Variants in NTNG1 observed in about 807,000 individuals in gnomAD.
NTNG1 encodes the protein netrin-G1.
Under a neutral mutation model 54.0 loss-of-function variants are expected in NTNG1, and 16 were observed. That is an observed-to-expected ratio of 0.30 (90% confidence interval 0.20 to 0.45). The LOEUF (loss-of-function observed/expected upper bound fraction) is 0.45. NTNG1 is among the 20% of genes least tolerant of loss of function. NTNG1 has a pLI of 1.00. For missense variants in NTNG1, 530 were observed against 678.7 expected (o/e 0.78, Z 2.43); for synonymous variants, 255 against 263.1 (o/e 0.97, Z 0.30).
chr1:107,451,108 CT>C (rs55906603), intron 7 of NTNG1, among the ~76,000 whole-genome samples: 49,520 of 138,210 alleles, frequency 0.36, 9,057 homozygotes, highest in East Asian at 0.45. Flanking sequence ...TTCTTTCTTT[CT>C]TTTTTTTTTT....
At chr1:107,458,341 C>G (rs887116113) in intron 7 of NTNG1, among the ~76,000 whole-genome samples, 7 of 152,142 alleles carry the variant, frequency 4.6e-5, no homozygotes, top group Non-Finnish European at 2.9e-5. Context: ...AAGGAGATCT[C>G]TATCCATTAA....
At chr1:107,474,024 C>T (rs766721234) in intron 7 of NTNG1, among the ~76,000 whole-genome samples, 24 of 152,130 alleles carry the variant, frequency 1.6e-4, no homozygotes, top group Admixed American at 1.2e-3. Flanking sequence ...TTTATCAATA[C>T]GAAAAGGAAT....
intron 2 of NTNG1, among the ~76,000 whole-genome samples, chr1:107,185,523 A>G (rs1363958532): frequency 1.3e-5 from 2 of 152,174 alleles, no homozygotes; most frequent in Admixed American, 6.6e-5. Flanking sequence ...TCCTAATCCA[A>G]TATGTCCTCA....
chr1:107,279,223 A>C (rs1664673442), intron 2 of NTNG1, among the ~76,000 whole-genome samples: 2 of 152,100 alleles, frequency 1.3e-5, no homozygotes, highest in Non-Finnish European at 2.9e-5. Context: ...TTTTTGGCTC[A>C]TATCTACCTC....
intron 4 of NTNG1, 69 bp from the exon 5 acceptor site, chr1:107,407,613 A>G: frequency 7.9e-7 from 1 of 1,269,484 alleles, no homozygotes. Context: ...AGATTTTTAT[A>G]TTAAGTTAAA....
chr1:107,345,770 T>C (rs1346771593), intron 3 of NTNG1, among the ~76,000 whole-genome samples: 3 of 152,160 alleles, frequency 2.0e-5, no homozygotes, highest in Non-Finnish European at 4.4e-5. Flanking sequence ...CTGTTTTCTC[T>C]TTTTCTTTAA....
chr1:107,383,658 G>A (rs772932115), intron 3 of NTNG1, among the ~76,000 whole-genome samples: 8 of 152,176 alleles, frequency 5.3e-5, no homozygotes, highest in South Asian at 4.1e-4. Context: ...TACACAGAAG[G>A]AAGCTGAGAC....
intron 2 of NTNG1, among the ~76,000 whole-genome samples, chr1:107,313,314 T>G (rs1667132883): frequency 6.6e-6 from 1 of 152,186 alleles, no homozygotes; most frequent in Non-Finnish European, 1.5e-5. Context: ...CTGCCTCGTT[T>G]GGACCCACCC....
chr1:107,355,619 A>C (rs779345507), intron 3 of NTNG1, among the ~76,000 whole-genome samples: 119 of 152,262 alleles, frequency 7.8e-4, no homozygotes, highest in Non-Finnish European at 1.4e-3. Flanking sequence ...CAAACAAATA[A>C]GTTTCCTTGC....
At chr1:107,397,251 G>A (rs915418019) in intron 4 of NTNG1, among the ~76,000 whole-genome samples, 1 of 152,128 alleles carries the variant, frequency 6.6e-6, no homozygotes, top group East Asian at 1.9e-4. Flanking sequence ...TGGACCCAGT[G>A]TCCAAAGGGG....
intron 3 of NTNG1, among the ~76,000 whole-genome samples, chr1:107,394,644 A>G (rs544742255): frequency 6.6e-6 from 1 of 152,290 alleles, no homozygotes; most frequent in South Asian, 2.1e-4. Flanking sequence ...ACTTGATTAT[A>G]ATTTCTTGGG....
At chr1:107,357,678 A>T (rs4462175) in intron 3 of NTNG1, among the ~76,000 whole-genome samples, 148,866 of 152,290 alleles carry the variant, frequency 0.98, 72,849 homozygotes, top group Middle Eastern at 1. Context: ...CTGGAAAAAA[A>T]TTATTTTTTG....
chr1:107,246,088 G>T (rs1662174961), intron 2 of NTNG1, among the ~76,000 whole-genome samples: 1 of 152,110 alleles, frequency 6.6e-6, no homozygotes, highest in African/African-American at 2.4e-5. Context: ...GTCTTGCTCT[G>T]TTGCCCAGGC....
chr1:107,414,306 TCAA>T (rs1674050558), intron 5 of NTNG1, among the ~76,000 whole-genome samples: 1 of 152,152 alleles, frequency 6.6e-6, no homozygotes, highest in African/African-American at 2.4e-5. Flanking sequence ...AAAATTGATT[TCAA>T]GTGCGACCAC....
intron 7 of NTNG1, among the ~76,000 whole-genome samples, chr1:107,449,949 A>C (rs17466589): frequency 1.3e-5 from 2 of 151,916 alleles, no homozygotes; most frequent in East Asian, 3.9e-4. Context: ...TCCTCATTGC[A>C]TACTTGTCTT....
At chr1:107,261,770 G>C (rs1353467322) in intron 2 of NTNG1, among the ~76,000 whole-genome samples, 3 of 152,220 alleles carry the variant, frequency 2.0e-5, no homozygotes, top group African/African-American at 7.2e-5. Context: ...GTGAACCCGG[G>C]AGGCGGAGCT....
chr1:107,448,954 A>G (rs1676463058), intron 7 of NTNG1, among the ~76,000 whole-genome samples: 1 of 152,158 alleles, frequency 6.6e-6, no homozygotes, highest in Non-Finnish European at 1.5e-5. Flanking sequence ...GGAAATACAA[A>G]GTGAGCTCCA....
intron 7 of NTNG1, among the ~76,000 whole-genome samples, chr1:107,447,534 A>G (rs983104153): frequency 3.9e-5 from 6 of 152,122 alleles, no homozygotes; most frequent in Non-Finnish European, 7.4e-5. Context: ...AGGATGCTAA[A>G]CTACATACAG....
intron 2 of NTNG1, among the ~76,000 whole-genome samples, chr1:107,203,350 A>G (rs541694252): frequency 3.3e-5 from 5 of 151,616 alleles, no homozygotes; most frequent in Non-Finnish European, 7.4e-5. Flanking sequence ...GTGTCAAATG[A>G]TAGTATACCT....
Sources: gnomAD v4.1 joint callset for allele counts (sites outside exome capture counted in the v4.1 genomes callset) on GRCh38, gnomAD v4.1.1 for gene constraint, MANE v1.5 for transcripts, NCBI Gene and HGNC (gene_info 2026-07-23, HGNC 2026-07-21) for gene names.